Variants in ADAMTS17 observed in about 807,000 individuals in gnomAD.
ADAMTS17 encodes the protein ADAM metallopeptidase with thrombospondin type 1 motif 17.
ADAMTS17 carries 113 observed loss-of-function variants against 141.5 expected under a neutral mutation model. The observed-to-expected ratio is 0.80, with a 90% confidence interval of 0.69 to 0.93. The LOEUF is 0.93. Ranked by LOEUF, ADAMTS17 falls within the 40% of genes least tolerant of loss-of-function variation. The pLI is 0.00. For synonymous variants in ADAMTS17, 768 were observed against 630.6 expected (o/e 1.22, Z -3.27); for missense variants, 1,659 against 1,517.9 (o/e 1.09, Z -1.54).
At chr15:100,191,711 C>T (rs908610840) in intron 8 of ADAMTS17, among the ~76,000 whole-genome samples, 11 of 152,196 alleles carry the variant, frequency 7.2e-5, no homozygotes, top group African/African-American at 2.2e-4. Flanking sequence ...CTGGTCACTG[C>T]GGGGGCACCT....
intron 14 of ADAMTS17, among the ~76,000 whole-genome samples, chr15:100,099,472 T>C (rs1001571837): frequency 6.6e-6 from 1 of 151,768 alleles, no homozygotes; most frequent in Non-Finnish European, 1.5e-5. Context: ...TGATTGTATT[T>C]ATGAGGCTTG....
chr15:100,192,026 T>G (rs1050933843), intron 8 of ADAMTS17, among the ~76,000 whole-genome samples: 1 of 152,194 alleles, frequency 6.6e-6, no homozygotes, highest in Non-Finnish European at 1.5e-5. Context: ...ACCTACTATA[T>G]ACCCATAAAA....
chr15:99,977,859 C>A (rs1260592741), intron 20 of ADAMTS17, among the ~76,000 whole-genome samples: 2 of 152,164 alleles, frequency 1.3e-5, no homozygotes, highest in Non-Finnish European at 2.9e-5. Context: ...ACATTGGCCT[C>A]TTCCCAGGAA....
At chr15:100,042,120 T>G (rs570878069) in intron 18 of ADAMTS17, among the ~76,000 whole-genome samples, 1 of 152,310 alleles carries the variant, frequency 6.6e-6, no homozygotes, top group East Asian at 1.9e-4. Flanking sequence ...CATCTCCACC[T>G]TACCCTGTTG....
intron 15 of ADAMTS17, among the ~76,000 whole-genome samples, chr15:100,069,782 CA>C (rs1354101481): frequency 6.6e-6 from 1 of 150,384 alleles, no homozygotes; most frequent in African/African-American, 2.5e-5. Context: ...ACAGCCACTG[CA>C]AAAACAAGCC....
chr15:100,196,335 G>A (rs1459788020), intron 8 of ADAMTS17, among the ~76,000 whole-genome samples: 1 of 152,336 alleles, frequency 6.6e-6, no homozygotes, highest in African/African-American at 2.4e-5. Context: ...CCTAAATCTA[G>A]CTTTGTGTTT....
chr15:100,081,572 A>G (rs1272741134), intron 15 of ADAMTS17, among the ~76,000 whole-genome samples: 1 of 152,212 alleles, frequency 6.6e-6, no homozygotes, highest in Non-Finnish European at 1.5e-5. Context: ...GGCTTTGTAC[A>G]TGTCTTCTTA....
chr15:100,133,109 T>C lies in ADAMTS17; in HGVS notation c.1575+105A>G, dbSNP rs2038139224. 7.0e-6 allele frequency: 8 copies of C among 1,149,830 alleles called. No individual in the cohort carries two copies. In the South Asian group the frequency reaches 8.7e-5, roughly 13 times the overall value. The allele number at this position is 1,149,830 out of a possible 1,614,324, so 71.2% of individuals were successfully genotyped here. ...GCATTTCTGTGCCGCCTGGGGGATG[T>C]TTCAGGGGCTCCTAAGTAGAGTACA... On this transcript the variant is annotated intron_variant, in intron 11 of 21. Transcript: ENST00000268070.
chr15:100,046,309 T>G (rs2031680389), intron 18 of ADAMTS17, among the ~76,000 whole-genome samples: 1 of 152,178 alleles, frequency 6.6e-6, no homozygotes. Context: ...TTTTAAAATC[T>G]TATCCCTGGA....
intron 7 of ADAMTS17, among the ~76,000 whole-genome samples, chr15:100,219,282 T>C (rs1474069357): frequency 1.3e-5 from 2 of 152,240 alleles, no homozygotes; most frequent in East Asian, 1.9e-4. Context: ...TGGTGATGGC[T>C]GTGTAATTCT....
chr15:100,047,089 G>A (rs2031755192), intron 18 of ADAMTS17, among the ~76,000 whole-genome samples: 1 of 151,952 alleles, frequency 6.6e-6, no homozygotes, highest in Non-Finnish European at 1.5e-5. Context: ...CCCCCTGGGT[G>A]TGGCCGTCTT....
chr15:100,031,104 G>C (rs1284306346), intron 18 of ADAMTS17, among the ~76,000 whole-genome samples: 1 of 152,194 alleles, frequency 6.6e-6, no homozygotes, highest in Non-Finnish European at 1.5e-5. Flanking sequence ...CATGTTTACA[G>C]ATGGCAAGAT....
intron 18 of ADAMTS17, among the ~76,000 whole-genome samples, chr15:100,043,267 A>G (rs896008995): frequency 1.1e-4 from 17 of 152,138 alleles, no homozygotes; most frequent in African/African-American, 2.9e-4. Flanking sequence ...CTGTTTTTCA[A>G]TTTCATTTTC....
chr15:99,976,941 T>A (rs1408453197), intron 20 of ADAMTS17, among the ~76,000 whole-genome samples: 1 of 152,082 alleles, frequency 6.6e-6, no homozygotes, highest in Non-Finnish European at 1.5e-5. Context: ...GTTTTTGAGA[T>A]GGTGAGCAGC....
At chr15:100,134,521 G>T (rs534123971) in intron 10 of ADAMTS17, among the ~76,000 whole-genome samples, 1 of 152,336 alleles carries the variant, frequency 6.6e-6, no homozygotes, top group South Asian at 2.1e-4. Context: ...CAGGATGAAG[G>T]TCAAGGAGCT....
chr15:100,010,316 G>T (rs1012325166), intron 18 of ADAMTS17, among the ~76,000 whole-genome samples: 4 of 152,326 alleles, frequency 2.6e-5, no homozygotes, highest in African/African-American at 9.6e-5. Flanking sequence ...TGTGTGTGAG[G>T]ACTGAATGAT....
intron 8 of ADAMTS17, among the ~76,000 whole-genome samples, chr15:100,167,992 C>G (rs2040015449): frequency 6.6e-6 from 1 of 152,206 alleles, no homozygotes; most frequent in Non-Finnish European, 1.5e-5. Flanking sequence ...GATGACCTGC[C>G]AGAAAGTGGC....
chr15:100,274,679 G>C (rs7164227), intron 4 of ADAMTS17, among the ~76,000 whole-genome samples: 16,112 of 152,218 alleles, frequency 0.11, 917 homozygotes, highest in East Asian at 0.12. Context: ...AGTAATTACT[G>C]ATAAGGAGGG....
At chr15:100,050,556 C>T (rs1267543884) in intron 17 of ADAMTS17, among the ~76,000 whole-genome samples, 1 of 152,126 alleles carries the variant, frequency 6.6e-6, no homozygotes, top group African/African-American at 2.4e-5. Flanking sequence ...GCCAAGATGC[C>T]CAGGAAGAAA....
Sources: gnomAD v4.1 joint callset for allele counts (sites outside exome capture counted in the v4.1 genomes callset) on GRCh38, gnomAD v4.1.1 for gene constraint, MANE v1.5 for transcripts, NCBI Gene and HGNC (gene_info 2026-07-23, HGNC 2026-07-21) for gene names.